Variants in PDE1C observed in about 807,000 individuals in gnomAD.
PDE1C encodes the protein dual specificity calcium/calmodulin-dependent 3',5'-cyclic nucleotide phosphodiesterase 1C.
PDE1C carries 62 observed loss-of-function variants against 93.1 expected under a neutral mutation model. That is an observed-to-expected ratio of 0.67 (90% CI 0.54 to 0.82). The LOEUF is 0.82. PDE1C is among the 40% of genes least tolerant of loss of function. PDE1C has a pLI of 0.00. For synonymous variants in PDE1C, 325 were observed against 310.1 expected (o/e 1.05, Z -0.50); for missense variants, 742 against 884.6 (o/e 0.84, Z 2.04).
chr7:32,202,590 C>A (rs189931715), intron 2 of PDE1C, among the ~76,000 whole-genome samples: 5 of 152,228 alleles, frequency 3.3e-5, no homozygotes, highest in Admixed American at 6.5e-5. Context: ...CTGATAACAA[C>A]TGTGTTTGAT....
chr7:31,856,155 C>T (rs3801341), intron 7 of PDE1C, among the ~76,000 whole-genome samples: 15,392 of 152,168 alleles, frequency 0.1, 1,117 homozygotes, highest in East Asian at 0.25. Flanking sequence ...TGATTCTCTA[C>T]GTGTCTTACA....
chr7:31,886,360 A>G (rs1019964721), intron 2 of PDE1C, among the ~76,000 whole-genome samples: 1 of 152,212 alleles, frequency 6.6e-6, no homozygotes, highest in Non-Finnish European at 1.5e-5. Flanking sequence ...ATGCCATCCA[A>G]TGATGTCACC....
chr7:31,786,933 CTATCTATCTATCTATCTATCT>C (rs1396997497), intron 16 of PDE1C: 1 of 106,908 alleles, frequency 9.4e-6, no homozygotes, highest in Non-Finnish European at 2.0e-5. Flanking sequence ...ATCTATCTAT[CTATCTATCTATCTATCTATCT>C]ATCATCTATC....
intron 2 of PDE1C, among the ~76,000 whole-genome samples, chr7:32,021,075 A>G (rs1788602951): frequency 6.6e-6 from 1 of 152,036 alleles, no homozygotes. Context: ...TCTCCTTTCT[A>G]ATTTGAGTGT....
chr7:31,850,017 C>A (rs917280204), intron 8 of PDE1C, among the ~76,000 whole-genome samples: 1 of 152,080 alleles, frequency 6.6e-6, no homozygotes, highest in Non-Finnish European at 1.5e-5. Flanking sequence ...GAGTGGGGCA[C>A]TTGGACCCAT....
intron 1 of PDE1C, among the ~76,000 whole-genome samples, chr7:32,412,449 C>T (rs544186656): frequency 2.2e-4 from 30 of 137,662 alleles, no homozygotes; most frequent in Non-Finnish European, 3.6e-4. Flanking sequence ...GAGTGAGACC[C>T]TGTCTCAAAA....
chr7:31,888,878 C>A lies in PDE1C; in HGVS notation c.129-8018G>T, dbSNP rs1169164594. Among the ~76,000 whole-genome samples the A allele has an allele frequency of 1.3e-5, 2 of 151,986 alleles. 1 individual carries two copies. The highest frequency in any genetic ancestry group is 4.2e-4 in the South Asian group (2 of 4,818). ...GAATTTAGCAATGCCACTTGATAAA[C>A]AGCAATAAACAATTAGAAAATGGTA... On this transcript the variant is annotated intron_variant, in intron 2 of 17. Coordinates refer to ENST00000396191, the MANE Select transcript of PDE1C (RefSeq NM_001191057.4).
Position 31,969,638 on chromosome 7 carries a change from C to T in PDE1C, c.128+81916G>A, listed in dbSNP as rs2129046826. ...ACCATTTGACCCAGCCATCCCATTA[C>T]TGGTTATATACCCAAAGGATTATAA... On this transcript the variant is annotated intron_variant, in intron 2 of 17. Coordinates refer to ENST00000396191, the MANE Select transcript of PDE1C (RefSeq NM_001191057.4). 1.3e-5 allele frequency among the ~76,000 whole-genome samples: 2 copies of T among 152,284 alleles called. 1 individual carries two copies. The highest frequency in any genetic ancestry group is 4.1e-4 in the South Asian group (2 of 4,824).
chr7:32,070,961 C>G (rs1795997791), upstream of PDE1C: 3 of 985,718 alleles, frequency 3.0e-6, no homozygotes, highest in Non-Finnish European at 3.6e-6. Flanking sequence ...TCGCGCCCCT[C>G]TGTTTTCTCT....
chr7:31,941,267 A>T, intron 2 of PDE1C: 1 of 156,690 alleles, frequency 6.4e-6, no homozygotes, highest in Middle Eastern at 5.3e-4. Context: ...CCCTGACTGG[A>T]GGGACCTGTT....
intron 12 of PDE1C, among the ~76,000 whole-genome samples, chr7:31,827,947 GCC>G: frequency 6.6e-6 from 1 of 152,110 alleles, no homozygotes; most frequent in East Asian, 1.9e-4. Context: ...GAGTAGAAAT[GCC>G]TTGTTAGCTT....
At chr7:31,969,333 A>G (rs1411053237) in intron 2 of PDE1C, among the ~76,000 whole-genome samples, 2 of 152,258 alleles carry the variant, frequency 1.3e-5, no homozygotes, top group Non-Finnish European at 2.9e-5. Flanking sequence ...TGGGTGAAGG[A>G]TATGAACAGA....
chr7:32,022,368 G>A lies in PDE1C; in HGVS notation c.128+29186C>T, dbSNP rs73686895. Among the ~76,000 whole-genome samples the A allele has an allele frequency of 6.9e-3, 1,053 of 152,144 alleles. 17 individuals are homozygous for A. The highest frequency in any genetic ancestry group is 0.024 in the African/African-American group (1,011 of 41,528). On this transcript the variant is annotated intron_variant, in intron 2 of 17. Transcript: ENST00000396191. ...TTGGAGGAAATCCGAAGAGAGGTAT[G>A]AAATTTCTAGCTAGGAGAAATCAGA...
the PDE1C span, among the ~76,000 whole-genome samples, chr7:31,645,594 T>TAAC: frequency 6.6e-6 from 1 of 152,010 alleles, no homozygotes; most frequent in Non-Finnish European, 1.5e-5. Flanking sequence ...ACCATAACCA[T>TAAC]CATCACCACC....
the PDE1C span, among the ~76,000 whole-genome samples, chr7:31,717,549 A>C: frequency 2.0e-4 from 30 of 152,334 alleles, no homozygotes; most frequent in South Asian, 5.6e-3. Context: ...AATATTGATT[A>C]GAATCCAGAG....
At chr7:32,082,022 G>A (rs2128737151) in intron 3 of PDE1C, among the ~76,000 whole-genome samples, 1 of 152,332 alleles carries the variant, frequency 6.6e-6, no homozygotes, top group East Asian at 1.9e-4. Context: ...AGGACAGTGG[G>A]TGCAGCGCAC....
At chr7:31,895,417 AG>A (rs1799157903) in intron 2 of PDE1C, among the ~76,000 whole-genome samples, 1 of 152,182 alleles carries the variant, frequency 6.6e-6, no homozygotes, top group African/African-American at 2.4e-5. Flanking sequence ...GAGGAACCAG[AG>A]GACAATACAA....
intron 1 of PDE1C, among the ~76,000 whole-genome samples, chr7:32,282,962 C>T (rs992818539): frequency 2.0e-5 from 3 of 152,128 alleles, no homozygotes; most frequent in Non-Finnish European, 2.9e-5. Context: ...AAACCTCAAA[C>T]CTCACGTGTG....
chr7:32,299,298 T>G (rs1011291725), exon 1 of PDE1C: 1 of 985,734 alleles, frequency 1.0e-6, no homozygotes, highest in African/African-American at 1.7e-5. Context: ...AGCCATGAGA[T>G]GTTGCCGAAG....
Sources: gnomAD v4.1 joint callset for allele counts (sites outside exome capture counted in the v4.1 genomes callset) on GRCh38, gnomAD v4.1.1 for gene constraint, MANE v1.5 for transcripts, NCBI Gene and HGNC (gene_info 2026-07-23, HGNC 2026-07-21) for gene names.